The following H6PD variants were observed in gnomAD, a reference collection of about 807,000 sequenced individuals.
The protein encoded by H6PD is hexose-6-phosphate dehydrogenase/glucose 1-dehydrogenase.
A neutral mutation model predicts 61.2 loss-of-function variants in H6PD; 48 were observed. That is an observed-to-expected ratio of 0.78 (90% CI 0.62 to 1.00). The LOEUF is 1.00. Among genes scored for constraint, H6PD ranks in the 50% least tolerant of loss-of-function variants. H6PD has a pLI of 0.00. For synonymous variants in H6PD, 480 were observed against 457.9 expected, an observed-to-expected ratio of 1.05 and a Z score of -0.62; for missense variants, 1,093 against 1,065.0, an observed-to-expected ratio of 1.03 and a Z score of -0.37.
rs529732067 is a variant in H6PD, at chr1:9,245,414, C to T, written c.480C>T (p.Cys160=). Residue 160 remains cysteine (C), a synonymous_variant, in exon 2 of 5, where the codon TGC becomes TGT. Transcript: ENST00000377403. This position sits in a 1 kb window ranked among gnomAD's most constrained non-coding sequence, Gnocchi z 4.8. ...TTGCCCGCAACATCAACAGTAGCTGCCGGCCAGGCCCGGGCGCCTGGCTGC... is the reference window on the plus strand; with the variant it reads ...TTGCCCGCAACATCAACAGTAGCTGTCGGCCAGGCCCGGGCGCCTGGCTGC... ...EDIARNINSS[C]RPGPGAWLRV... is the part of the protein sequence containing the mutation. 6.2e-7 allele frequency: 1 copy of T among 1,614,116 alleles called. No homozygotes were observed. The highest frequency in any genetic ancestry group is 1.1e-5 in the South Asian group (1 of 91,084).
chr1:9,245,536 G>T lies in H6PD; in HGVS notation c.602G>T (p.Arg201Leu). ...TTTTTCCAGGAGGAGGAGATGTACCGGGTGGACCATTACTTAGGCAAGCAG... is the reference window on the plus strand; with the variant it reads ...TTTTTCCAGGAGGAGGAGATGTACCTGGTGGACCATTACTTAGGCAAGCAG... ...GTFFQEEEMY[R>L]VDHYLGKQAV... The change falls in exon 2 of 5, where the codon CGG becomes CTG. Residue 201 changes from arginine (R) to leucine (L), a missense_variant. Transcript: ENST00000377403. This position sits in a 1 kb window ranked among gnomAD's most constrained non-coding sequence, Gnocchi z 4.8. 6.2e-7 allele frequency: 1 copy of T among 1,614,148 alleles called. No homozygotes were observed. Among genetic ancestry groups the T allele is most frequent in the Non-Finnish European group, 8.5e-7 (1 of 1,180,004 alleles).
chr1:9,251,923 C>T (rs908898905), intron 3 of H6PD, among the ~76,000 whole-genome samples: 2 of 150,264 alleles, frequency 1.3e-5, no homozygotes, highest in Non-Finnish European at 1.5e-5. Context: ...ACCTGGATTT[C>T]CCACAATGTG....
intron 3 of H6PD, among the ~76,000 whole-genome samples, chr1:9,256,115 G>A (rs777145329): frequency 1.3e-5 from 2 of 152,134 alleles, no homozygotes; most frequent in Non-Finnish European, 2.9e-5. Flanking sequence ...GAAATAGAGG[G>A]GCCTCCTTAT....
At chr1:9,246,219 C>T (rs1641171481) in intron 2 of H6PD, among the ~76,000 whole-genome samples, 1 of 152,208 alleles carries the variant, frequency 6.6e-6, no homozygotes, top group Admixed American at 6.5e-5. Flanking sequence ...GCTGGGATTA[C>T]AGGCGTGAGC....
At position 9,254,466 on chromosome 1, in the gene H6PD, G is replaced by A. The variant is rs1005289407; in HGVS notation, c.745+7383G>A. On this transcript the variant is annotated intron_variant, in intron 3 of 4. Transcript: ENST00000377403. This position sits in a 1 kb window ranked among gnomAD's most constrained non-coding sequence, Gnocchi z 4.6. Reference sequence around the variant, plus strand: ...CTCTGTACCACCATTCAAGGATCCAGCCAGTCACCAAGTAGTTTGTATTCA... The same window carrying A: ...CTCTGTACCACCATTCAAGGATCCAACCAGTCACCAAGTAGTTTGTATTCA... 3.3e-5 allele frequency among the ~76,000 whole-genome samples: 5 copies of A among 152,208 alleles called. No homozygotes were observed. Among genetic ancestry groups the A allele is most frequent in the Non-Finnish European group, 7.3e-5 (5 of 68,040 alleles).
chr1:9,253,218 AG>A (rs1202651844), intron 3 of H6PD, among the ~76,000 whole-genome samples: 2 of 152,182 alleles, frequency 1.3e-5, no homozygotes, highest in Non-Finnish European at 2.9e-5. Context: ...TGTTAAACAC[AG>A]GCGCACCCCC....
chr1:9,242,222 C>T (rs1641019281), intron 1 of H6PD, among the ~76,000 whole-genome samples: 1 of 152,064 alleles, frequency 6.6e-6, no homozygotes, highest in African/African-American at 2.4e-5. Flanking sequence ...AAAGTGTGCT[C>T]TTGGACCAGC....
At chr1:9,263,365 GCCA>G in intron 4 of H6PD, 141 bp from the exon 5 acceptor site, 3 of 790,668 alleles carry the variant, frequency 3.8e-6, no homozygotes, top group Non-Finnish European at 6.7e-6. Context: ...TGGAAGAGAT[GCCA>G]GGCGAGGGGT....
intron 3 of H6PD, among the ~76,000 whole-genome samples, chr1:9,247,918 T>C (rs1641236734): frequency 6.6e-6 from 1 of 152,238 alleles, no homozygotes; most frequent in Non-Finnish European, 1.5e-5. Context: ...CCAGTAACGA[T>C]AAGAGCTGAA....
chr1:9,261,824 C>T (rs1480334656), intron 3 of H6PD, among the ~76,000 whole-genome samples: 3 of 152,348 alleles, frequency 2.0e-5, no homozygotes, highest in Non-Finnish European at 2.9e-5. Context: ...TAGAGGCTCA[C>T]GGATTTGACG....
chr1:9,244,385 A>G (rs554404903), intron 1 of H6PD, among the ~76,000 whole-genome samples: 1 of 152,312 alleles, frequency 6.6e-6, no homozygotes, highest in South Asian at 2.1e-4. Context: ...TCTGGAGTCC[A>G]TGTTTTCTGT....
rs146976758 is a variant in H6PD at position 9,245,473 on chromosome 1, A to G, written c.539A>G (p.His180Arg). The G allele has an allele frequency of 4.3e-4, 687 of 1,613,952 alleles. 1 individual carries two copies. The highest frequency in any genetic ancestry group is 4.8e-4 in the Non-Finnish European group (565 of 1,179,978). ...VVLEKPFGHD[H>R]FSAQQLATEL... ...CTTGAGAAACCCTTTGGCCATGACC[A>G]CTTCTCAGCCCAGCAGCTGGCCACA... The change falls in exon 2 of 5, where the codon CAC (histidine) becomes CGC (arginine). Residue 180 changes from histidine to arginine, a missense_variant. Coordinates refer to ENST00000377403, the MANE Select transcript of H6PD (RefSeq NM_004285.4). The surrounding 1 kb of genome is among the most constrained non-coding windows in gnomAD (Gnocchi z 4.8).
intron 1 of H6PD, among the ~76,000 whole-genome samples, chr1:9,237,742 TGTGCTGTGTCACA>T (rs1640892514): frequency 6.6e-6 from 1 of 152,258 alleles, no homozygotes; most frequent in East Asian, 1.9e-4. Context: ...GCTGCTGCTG[TGTGCTGTGTCACA>T]GTGCTTGAAG....
chr1:9,252,722 C>G (rs1234688161), intron 3 of H6PD, among the ~76,000 whole-genome samples: 1 of 152,174 alleles, frequency 6.6e-6, no homozygotes. Context: ...GTATATACTT[C>G]GGCAGTAGAA....
In H6PD at chr1:9,267,073, G is replaced by C. The variant is rs562432557; in HGVS notation, c.*2204G>C. On this transcript the variant is annotated 3_prime_UTR_variant, in exon 5 of 5. Transcript: ENST00000377403. ...GAGCTCAGGCAGTCTACCCACCTCA[G>C]CCTCCCAAAGTGCTGGGATTACAGG... 6.5e-6 allele frequency: 1 copy of C among 152,776 alleles called. No individual in the cohort carries two copies. The highest frequency in any genetic ancestry group is 2.1e-4 in the South Asian group (1 of 4,846). The allele number at this position is 152,776 out of a possible 1,614,324, so 9.5% of individuals were successfully genotyped here.
At chr1:9,243,231 A>G (rs1195096031) in intron 1 of H6PD, among the ~76,000 whole-genome samples, 2 of 152,174 alleles carry the variant, frequency 1.3e-5, no homozygotes, top group South Asian at 2.1e-4. Flanking sequence ...GTCAGGGTCA[A>G]GAGGCAGATT....
chr1:9,263,896 G>A lies in H6PD; in HGVS notation c.1403G>A (p.Gly468Asp), dbSNP rs770660664. Residue 468 changes from glycine to aspartate, a missense_variant, in exon 5 of 5, where the codon GGC (glycine) becomes GAC (aspartate). Physicochemically the swap from Gly to Asp is moderately conservative, Grantham distance 94 (BLOSUM62 -1). Transcript: ENST00000377403. ...GTCCTCTTATCCCATATCTTCCATG[G>A]CCGGAAGAATTTCTTCATCACCACA... The part of the protein sequence containing the change: ...HSVLLSHIFH[G>D]RKNFFITTEN... The A allele has an allele frequency of 1.3e-5, 21 of 1,613,970 alleles. No homozygotes were observed. Among genetic ancestry groups the A allele is most frequent in the Non-Finnish European group, 1.6e-5 (19 of 1,180,024 alleles).
Position 9,244,932 on chromosome 1 carries a change from G to C in H6PD, c.-3G>C, listed in dbSNP as rs1456924862. 5.6e-6 allele frequency: 9 copies of C among 1,612,942 alleles called. No individual in the cohort carries two copies. The South Asian group carries it at 9.9e-5, about 18-fold the overall frequency. On this transcript the variant is annotated 5_prime_UTR_variant, in exon 2 of 5. Coordinates refer to ENST00000377403, the MANE Select transcript of H6PD (RefSeq NM_004285.4). ...TCTCTCTTTGCACCCCAGGCACCCA[G>C]GCATGTGGAATATGCTCATAGTGGC...
At chr1:9,247,453 G>A (rs925765554) in intron 3 of H6PD, among the ~76,000 whole-genome samples, 2 of 152,046 alleles carry the variant, frequency 1.3e-5, no homozygotes, top group Non-Finnish European at 2.9e-5. Flanking sequence ...CCCCTGCCTG[G>A]GGCACTCCCC....
Sources: allele counts gnomAD v4.1 joint callset (sites outside exome capture counted in the v4.1 genomes callset), GRCh38; gene constraint gnomAD v4.1.1; non-coding constraint Gnocchi (gnomAD v3.1); transcripts MANE v1.5; gene names NCBI Gene and HGNC (gene_info 2026-07-23, HGNC 2026-07-21).